ABCB5: variants seen among roughly 807,000 people sequenced by gnomAD.
The protein encoded by ABCB5 is ATP binding cassette subfamily B member 5.
In ABCB5, 155 loss-of-function variants were observed where a neutral mutation model predicts 144.2. That is an observed-to-expected ratio of 1.08 (90% CI 0.94 to 1.23). The LOEUF (loss-of-function observed/expected upper bound fraction) is 1.23, where lower values mean the gene tolerates loss of function less well. ABCB5 is among the 50% of genes most tolerant of loss of function. The pLI, the probability that ABCB5 is intolerant of heterozygous loss-of-function variation, is 0.00. For synonymous variants in ABCB5, 610 were observed against 528.6 expected, an observed-to-expected ratio of 1.15 and a Z score of -2.11; for missense variants, 1,830 against 1,520.8, an observed-to-expected ratio of 1.20 and a Z score of -3.38.
chr7:20,625,298 G>T (rs1427775320), intron 2 of ABCB5, among the ~76,000 whole-genome samples: 1 of 152,132 alleles, frequency 6.6e-6, no homozygotes, highest in African/African-American at 2.4e-5. Flanking sequence ...AGAGGAGCCG[G>T]ATGTTTGTCT....
In ABCB5 at chr7:20,742,959, T is replaced by G; in HGVS notation, c.3107T>G (p.Leu1036Ter). The G allele has an allele frequency of 8.7e-6, 14 of 1,614,204 alleles. No individual in the cohort carries two copies. The highest frequency in any genetic ancestry group is 1.2e-5 in the Non-Finnish European group (14 of 1,180,036). Residue 1036 changes from leucine to a stop codon, truncating the protein, a stop_gained, in exon 25 of 28, where the codon TTA becomes TGA. Transcript: ENST00000404938. LOFTEE classifies it high-confidence loss of function. ...CCAGATGTTTTCATCCTCCGTGGCT[T>G]ATCCCTCAGTATTGAGCGAGGAAAG... is the stretch of plus-strand genomic sequence containing the variant. ...CRPDVFILRGLSLSIERGKTV... is the reference protein window; with the variant it reads ...CRPDVFILRG
In ABCB5 at chr7:20,756,227, A is replaced by G. The variant is rs2128058842; in HGVS notation, c.*603A>G. 1 of 152,640 alleles carries G rather than the reference A, an allele frequency of 6.6e-6. No homozygotes were observed. The highest frequency in any genetic ancestry group is 2.4e-5 in the African/African-American group (1 of 41,570). The allele number at this position is 152,640 out of a possible 1,614,324, so 9.5% of individuals were successfully genotyped here. On this transcript the variant is annotated 3_prime_UTR_variant, in exon 28 of 28. Coordinates refer to ENST00000404938, the MANE Select transcript of ABCB5 (RefSeq NM_001163941.2). ...TGGGAGGATTAGGTAGCTATCTCCT[A>G]CTTCACCAGTAAGTGAAGTGCCTCA...
At chr7:20,734,125 G>T (rs1782310591) in intron 23 of ABCB5, among the ~76,000 whole-genome samples, 1 of 151,984 alleles carries the variant, frequency 6.6e-6, no homozygotes, top group Non-Finnish European at 1.5e-5. Context: ...CACCAAAGAG[G>T]ATTTGGTCCT....
chr7:20,745,121 C>T, intron 25 of ABCB5, 111 bp from the exon 26 acceptor site: 1 of 1,160,044 alleles, frequency 8.6e-7, no homozygotes, highest in Non-Finnish European at 1.3e-6. Flanking sequence ...TTTGAAATAG[C>T]TTGAATTCCT....
chr7:20,660,190 T>C, intron 14 of ABCB5: 1 of 983,120 alleles, frequency 1.0e-6, no homozygotes, highest in Non-Finnish European at 1.2e-6. Flanking sequence ...CTATCAAAAG[T>C]GAAAAAAGAA....
chr7:20,675,590 T>C (rs1583417418), intron 14 of ABCB5, among the ~76,000 whole-genome samples: 1 of 152,028 alleles, frequency 6.6e-6, no homozygotes, highest in African/African-American at 2.4e-5. Flanking sequence ...CTTCATGACA[T>C]TAAGTTTGAC....
rs1783069226 is a variant in ABCB5, at chr7:20,755,678, TTAA to T, written c.*59_*61del. The stretch of plus-strand genomic sequence containing the variant: ...TTCGTGTAATGCAAAGAAGGAGTAC[TTAA>T]TAATTACTTGGCAAGCTTTGATCTC... On this transcript the variant is annotated 3_prime_UTR_variant, in exon 28 of 28. Transcript: ENST00000404938. The T allele has an allele frequency of 6.5e-7, 1 of 1,542,084 alleles. No homozygotes were observed. Among genetic ancestry groups the T allele is most frequent in the Non-Finnish European group, 8.9e-7 (1 of 1,120,672 alleles).
intron 15 of ABCB5, among the ~76,000 whole-genome samples, chr7:20,682,152 C>T (rs551188089): frequency 3.1e-4 from 47 of 152,146 alleles, no homozygotes; most frequent in African/African-American, 1.1e-3. Flanking sequence ...TTGCAGTGAG[C>T]CCAGATTGCG....
chr7:20,678,790 A>G (rs532277586), intron 14 of ABCB5, among the ~76,000 whole-genome samples: 1 of 152,358 alleles, frequency 6.6e-6, no homozygotes, highest in Admixed American at 6.5e-5. Context: ...CAAGCTGACC[A>G]GCCCAATAGC....
chr7:20,726,290 C>A (rs1026732480), intron 21 of ABCB5, among the ~76,000 whole-genome samples: 2 of 149,124 alleles, frequency 1.3e-5, no homozygotes, highest in African/African-American at 4.9e-5. Flanking sequence ...TTCCTGAGTC[C>A]TTTTAAGTTG....
At position 20,647,332 on chromosome 7, in the gene ABCB5, T is replaced by C. The variant is rs1784434281; in HGVS notation, c.982-203T>C. On this transcript the variant is annotated intron_variant, in intron 9 of 27. Coordinates refer to ENST00000404938, the MANE Select transcript of ABCB5 (RefSeq NM_001163941.2). ...AAAAGGCCAAGGATACTTGGATTAA[T>C]CTGTGTTTCTATTGCTTCTCGGCCT... is the stretch of plus-strand genomic sequence containing the variant. The C allele has an allele frequency of 2.3e-6, 3 of 1,327,200 alleles. No individual in the cohort carries two copies. The East Asian group carries it at 9.0e-5, about 40-fold the overall frequency. 82.2% of individuals were successfully genotyped at this position (1,327,200 alleles called of 1,614,324 possible).
intron 4 of ABCB5, among the ~76,000 whole-genome samples, chr7:20,629,145 C>CATGTGTGTGT (rs1554278477): frequency 1.5e-5 from 2 of 135,058 alleles, no homozygotes; most frequent in Non-Finnish European, 3.1e-5. Flanking sequence ...AGAGAGACTG[C>CATGTGTGTGT]GTGTGTGTGT....
intron 17 of ABCB5, 140 bp from the exon 18 acceptor site, chr7:20,699,685 C>T (rs549524798): frequency 9.2e-6 from 5 of 541,422 alleles, no homozygotes; most frequent in African/African-American, 3.9e-5. Context: ...CCAGCCTGGG[C>T]GACAGAGCAA....
intron 20 of ABCB5, among the ~76,000 whole-genome samples, chr7:20,711,210 C>T (rs1405510910): frequency 6.7e-6 from 1 of 149,340 alleles, no homozygotes; most frequent in African/African-American, 2.5e-5. Flanking sequence ...TATGTAAAGT[C>T]CTATGTATTT....
intron 9 of ABCB5, 141 bp from the exon 10 acceptor site, chr7:20,647,394 A>G: frequency 3.6e-6 from 5 of 1,377,458 alleles, no homozygotes; most frequent in Non-Finnish European, 4.7e-6. Context: ...GTTCTTTTTT[A>G]TTTGGTCATA....
intron 16 of ABCB5, among the ~76,000 whole-genome samples, chr7:20,687,110 G>C (rs1419402681): frequency 1.3e-5 from 2 of 152,110 alleles, no homozygotes; most frequent in Non-Finnish European, 2.9e-5. Flanking sequence ...TGTATGTTAA[G>C]AATATAGTAC....
At chr7:20,661,012 C>A (rs1368260210) in intron 14 of ABCB5, among the ~76,000 whole-genome samples, 1 of 152,194 alleles carries the variant, frequency 6.6e-6, no homozygotes, top group Non-Finnish European at 1.5e-5. Flanking sequence ...GCACTAACAC[C>A]CTTTTCCTCA....
At chr7:20,617,119 A>G (rs1174262828) in intron 1 of ABCB5, among the ~76,000 whole-genome samples, 1 of 152,130 alleles carries the variant, frequency 6.6e-6, no homozygotes, top group East Asian at 1.9e-4. Flanking sequence ...TTATTTATGT[A>G]TGCCTTTTTT....
chr7:20,742,736 T>C, intron 24 of ABCB5, 141 bp from the exon 25 acceptor site: 1 of 744,976 alleles, frequency 1.3e-6, no homozygotes, highest in Non-Finnish European at 2.2e-6. Context: ...AGTCAACAGC[T>C]CTACAGAGAT....
Sources: allele counts gnomAD v4.1 joint callset (sites outside exome capture counted in the v4.1 genomes callset), GRCh38; gene constraint gnomAD v4.1.1; transcripts MANE v1.5; gene names NCBI Gene and HGNC (gene_info 2026-07-23, HGNC 2026-07-21).